Variants in FAF1 observed in about 807,000 individuals in gnomAD.
The protein encoded by FAF1 is FAS-associated factor 1.
A neutral mutation model predicts 92.5 loss-of-function variants in FAF1; 25 were observed. The ratio of observed to expected loss-of-function variants is 0.27; its 90% CI spans 0.20 to 0.38. The LOEUF is 0.38. FAF1 is among the 10% of genes least tolerant of loss of function. The pLI is 1.00. For missense variants in FAF1, 636 were observed against 793.3 expected (o/e 0.80, Z 2.38); for synonymous variants, 234 against 273.2 (o/e 0.86, Z 1.42).
intron 6 of FAF1, among the ~76,000 whole-genome samples, chr1:50,716,049 A>G (rs1658156088): frequency 6.6e-6 from 1 of 152,218 alleles, no homozygotes; most frequent in African/African-American, 2.4e-5. Flanking sequence ...CCCACTTGTA[A>G]GAAAGCACAG....
chr1:50,702,606 T>G (rs1013276687), intron 7 of FAF1, among the ~76,000 whole-genome samples: 1 of 152,086 alleles, frequency 6.6e-6, no homozygotes, highest in Admixed American at 6.6e-5. Context: ...AGGAGGATAA[T>G]GTAACTGGAA....
chr1:50,683,234 C>T (rs1656503448), intron 7 of FAF1, among the ~76,000 whole-genome samples: 2 of 150,658 alleles, frequency 1.3e-5, no homozygotes, highest in South Asian at 4.2e-4. Flanking sequence ...TGACTCTTAA[C>T]ATTATACCTC....
chr1:50,676,364 G>T (rs376152207), intron 7 of FAF1, among the ~76,000 whole-genome samples: 1 of 150,158 alleles, frequency 6.7e-6, no homozygotes, highest in East Asian at 2.0e-4. Flanking sequence ...CCAAGATCAC[G>T]CCATTGCACT....
chr1:50,617,670 A>C (rs1299131744), intron 8 of FAF1, among the ~76,000 whole-genome samples: 1 of 147,110 alleles, frequency 6.8e-6, no homozygotes, highest in Non-Finnish European at 1.5e-5. Flanking sequence ...AGCATGAGCT[A>C]GGGAAGGAGT....
At chr1:50,742,082 G>C (rs984079528) in intron 5 of FAF1, among the ~76,000 whole-genome samples, 2 of 152,150 alleles carry the variant, frequency 1.3e-5, no homozygotes, top group South Asian at 2.1e-4. Context: ...GCCAAGGCAG[G>C]AGGACTGCAT....
intron 2 of FAF1, among the ~76,000 whole-genome samples, chr1:50,842,570 C>T (rs949551024): frequency 2.0e-5 from 3 of 152,056 alleles, no homozygotes; most frequent in African/African-American, 7.2e-5. Flanking sequence ...TGGTCTTCTC[C>T]TCTAGGCACA....
intron 13 of FAF1, among the ~76,000 whole-genome samples, chr1:50,549,095 C>T (rs1337558445): frequency 6.6e-6 from 1 of 152,174 alleles, no homozygotes; most frequent in Non-Finnish European, 1.5e-5. Context: ...AGACTCAGAT[C>T]ACTAAACAGG....
At chr1:50,819,680 T>TATATATATATAC (rs1256681516) in intron 2 of FAF1, among the ~76,000 whole-genome samples, 15 of 116,710 alleles carry the variant, frequency 1.3e-4, no homozygotes, top group African/African-American at 4.1e-4. Flanking sequence ...TCTCTCTCTG[T>TATATATATATAC]ATATATATAT....
At chr1:50,686,797 T>C (rs1299155086) in intron 7 of FAF1, among the ~76,000 whole-genome samples, 1 of 152,152 alleles carries the variant, frequency 6.6e-6, no homozygotes, top group Non-Finnish European at 1.5e-5. Flanking sequence ...TTTAAACTCT[T>C]GGAAAACATT....
At chr1:50,474,517 G>C (rs552885416) in intron 18 of FAF1, among the ~76,000 whole-genome samples, 5 of 152,202 alleles carry the variant, frequency 3.3e-5, no homozygotes, top group Admixed American at 6.5e-5. Context: ...CCATCACCCA[G>C]TGGGTAGTTT....
intron 12 of FAF1, among the ~76,000 whole-genome samples, chr1:50,575,611 TA>T (rs912850254): frequency 1.1e-4 from 16 of 150,528 alleles, no homozygotes; most frequent in Admixed American, 4.0e-4. Flanking sequence ...TATATTTTTC[TA>T]AAAAAAAAAT....
chr1:50,603,661 T>G (rs991734140), intron 8 of FAF1, among the ~76,000 whole-genome samples: 1 of 152,168 alleles, frequency 6.6e-6, no homozygotes, highest in Non-Finnish European at 1.5e-5. Flanking sequence ...ACTTATGTGC[T>G]AGAAAAGTCA....
At chr1:50,684,597 C>T (rs2124375952) in intron 7 of FAF1, among the ~76,000 whole-genome samples, 1 of 152,182 alleles carries the variant, frequency 6.6e-6, no homozygotes, top group South Asian at 2.1e-4. Flanking sequence ...AAGAGTTTGC[C>T]AATCTCCATG....
intron 8 of FAF1, among the ~76,000 whole-genome samples, chr1:50,620,015 T>G (rs1653117395): frequency 1.3e-5 from 2 of 151,864 alleles, no homozygotes; most frequent in Admixed American, 1.3e-4. Context: ...TTCAAGCGAT[T>G]CTCCTGCCTC....
intron 15 of FAF1, among the ~76,000 whole-genome samples, chr1:50,496,897 A>G (rs1325757033): frequency 1.3e-5 from 2 of 152,094 alleles, no homozygotes; most frequent in African/African-American, 4.8e-5. Flanking sequence ...CTCAAAAAAA[A>G]AAAAAAAGTT....
chr1:50,604,607 AAGCAATCCTCCCACCTC>A (rs1652292783), intron 8 of FAF1, among the ~76,000 whole-genome samples: 1 of 152,174 alleles, frequency 6.6e-6, no homozygotes, highest in Non-Finnish European at 1.5e-5. Flanking sequence ...TCCCAGCATC[AAGCAATCCTCCCACCTC>A]AGCCTCCTGT....
At chr1:50,666,398 G>A (rs1287868902) in intron 7 of FAF1, among the ~76,000 whole-genome samples, 1 of 151,926 alleles carries the variant, frequency 6.6e-6, no homozygotes, top group East Asian at 1.9e-4. Flanking sequence ...GTAGAGAGGA[G>A]GTATCATTAT....
intron 4 of FAF1, chr1:50,780,809 A>T (rs1449626218): frequency 7.5e-6 from 3 of 400,302 alleles, no homozygotes; most frequent in Non-Finnish European, 1.5e-5. Flanking sequence ...CGGAGTGAGC[A>T]GCCACCTTTG....
intron 12 of FAF1, among the ~76,000 whole-genome samples, chr1:50,578,144 C>T (rs1650837886): frequency 6.6e-6 from 1 of 152,172 alleles, no homozygotes; most frequent in South Asian, 2.1e-4. Context: ...AAAAGCCTAG[C>T]AGAGGATTTA....
Sources: allele counts gnomAD v4.1 joint callset (sites outside exome capture counted in the v4.1 genomes callset), GRCh38; gene constraint gnomAD v4.1.1; transcripts MANE v1.5; gene names NCBI Gene and HGNC (gene_info 2026-07-23, HGNC 2026-07-21).